The following PICALM variants were observed in gnomAD, a reference collection of about 807,000 sequenced individuals.
The protein encoded by PICALM is phosphatidylinositol-binding clathrin assembly protein.
A neutral mutation model predicts 80.5 loss-of-function variants in PICALM; 40 were observed. That is an observed-to-expected ratio of 0.50 (90% CI 0.39 to 0.65). The LOEUF is 0.65. PICALM is among the 30% of genes least tolerant of loss of function. PICALM has a pLI of 0.00. For synonymous variants in PICALM, 288 were observed against 260.3 expected, an observed-to-expected ratio of 1.11 and a Z score of -1.02; for missense variants, 676 against 778.9, an observed-to-expected ratio of 0.87 and a Z score of 1.57.
intron 17 of PICALM, among the ~76,000 whole-genome samples, chr11:85,977,701 T>G (rs1057468496): frequency 1.3e-5 from 2 of 152,334 alleles, no homozygotes; most frequent in Non-Finnish European, 1.5e-5. Flanking sequence ...GTAGACAAAC[T>G]GCCAAGAAGA....
At chr11:86,019,553 A>T (rs1311745192) in intron 4 of PICALM, among the ~76,000 whole-genome samples, 1 of 152,220 alleles carries the variant, frequency 6.6e-6, no homozygotes, top group Non-Finnish European at 1.5e-5. Context: ...TACACTGAAG[A>T]TCAACTTCAC....
intron 1 of PICALM, among the ~76,000 whole-genome samples, chr11:86,060,003 T>C (rs1296720990): frequency 2.0e-5 from 3 of 152,222 alleles, no homozygotes; most frequent in Non-Finnish European, 4.4e-5. Flanking sequence ...CAAGTCATAC[T>C]GAACACTCCT....
Position 86,022,488 on chromosome 11 carries a change from AAAAAC to A in PICALM, c.350-24_350-20del, listed in dbSNP as rs746886990. The A allele has an allele frequency of 3.8e-6, 5 of 1,316,808 alleles. No individual in the cohort carries two copies. Among genetic ancestry groups the A allele is most frequent in the East Asian group, 2.5e-5 (1 of 39,494 alleles). The allele number at this position is 1,316,808 out of a possible 1,614,324, so 81.6% of individuals were successfully genotyped here. A position where few individuals can be genotyped will look rare whatever the true frequency, so the allele number is the denominator to read the frequency against. On this transcript the variant is annotated intron_variant, in intron 3 of 19. Transcript: ENST00000393346. ...TCATATCCTGTAAAAAAACAAAAACAAAAACAAAACAAAGAGAGAGACAAGTTTTT... is the reference window on the plus strand; with the variant it reads ...TCATATCCTGTAAAAAAACAAAAACAAAAACAAAGAGAGAGACAAGTTTTT...
chr11:85,968,622 AT>A (rs1466296363), intron 19 of PICALM, among the ~76,000 whole-genome samples: 12 of 152,338 alleles, frequency 7.9e-5, no homozygotes, highest in African/African-American at 2.9e-4. Flanking sequence ...CAACTAAAGA[AT>A]TAGTTTATGA....
intron 1 of PICALM, among the ~76,000 whole-genome samples, chr11:86,033,545 T>C (rs1451430037): frequency 6.6e-6 from 1 of 152,152 alleles, no homozygotes; most frequent in Admixed American, 6.6e-5. Context: ...GTCACCATAT[T>C]AGATAAACTT....
At chr11:86,044,064 T>C (rs114748177) in intron 1 of PICALM, among the ~76,000 whole-genome samples, 244 of 152,308 alleles carry the variant, frequency 1.6e-3, no homozygotes, top group African/African-American at 5.5e-3. Flanking sequence ...ACGCCAATAG[T>C]GTCTTAGGAG....
intron 19 of PICALM, among the ~76,000 whole-genome samples, chr11:85,972,564 T>C (rs1423822898): frequency 1.3e-5 from 2 of 152,208 alleles, no homozygotes; most frequent in Non-Finnish European, 2.9e-5. Flanking sequence ...GTATCCAAGC[T>C]TAAGGTAGCA....
chr11:86,024,870 T>A (rs569910236), intron 3 of PICALM, among the ~76,000 whole-genome samples: 1 of 152,196 alleles, frequency 6.6e-6, no homozygotes, highest in Non-Finnish European at 1.5e-5. Flanking sequence ...AGCCAACTCA[T>A]CTTCTCATCC....
chr11:86,064,571 C>T (rs965333579), intron 1 of PICALM, among the ~76,000 whole-genome samples: 1 of 150,932 alleles, frequency 6.6e-6, no homozygotes. Context: ...TTGTCTGAAC[C>T]CGGGAAGTCA....
intron 16 of PICALM, 117 bp downstream of exon 16, chr11:85,981,628 A>C (rs1371898083): frequency 2.8e-6 from 2 of 713,280 alleles, no homozygotes; most frequent in Non-Finnish European, 4.8e-6. Flanking sequence ...AAAAAGATGC[A>C]GACTTGATAT....
rs1350384086 is a variant in PICALM at position 86,004,973 on chromosome 11, A to G, written c.808-1522T>C. Among the ~76,000 whole-genome samples, 7 of 152,324 alleles carry G rather than the reference A, an allele frequency of 4.6e-5. No individual in the cohort carries two copies. In the East Asian group the frequency reaches 1.2e-3, roughly 25 times the overall value. On this transcript the variant is annotated intron_variant, in intron 8 of 19. Coordinates refer to ENST00000393346, the MANE Select transcript of PICALM (RefSeq NM_007166.4). ...ACTGTCTTAAGAGCTTTCAGAGATGATAAGGAGGATGTTGATGATAGTGGT... is the reference window on the plus strand; with the variant it reads ...ACTGTCTTAAGAGCTTTCAGAGATGGTAAGGAGGATGTTGATGATAGTGGT...
At chr11:86,012,531 A>G (rs759962314) in intron 5 of PICALM, 139 bp from the exon 6 acceptor site, 33 of 541,228 alleles carry the variant, frequency 6.1e-5, no homozygotes, top group Non-Finnish European at 9.3e-5. Flanking sequence ...TCTCTAATAC[A>G]TACATAAAGA....
chr11:86,042,099 C>T (rs975178987), intron 1 of PICALM, among the ~76,000 whole-genome samples: 1 of 152,118 alleles, frequency 6.6e-6, no homozygotes, highest in Non-Finnish European at 1.5e-5. Context: ...TACAGAGGAA[C>T]AACAGGACCC....
intron 18 of PICALM, among the ~76,000 whole-genome samples, chr11:85,975,835 G>A (rs767036886): frequency 1.3e-5 from 2 of 152,050 alleles, no homozygotes; most frequent in Admixed American, 6.6e-5. Context: ...AACCTCAGGT[G>A]ATCCACCCAC....
In PICALM at chr11:85,957,349, A is replaced by T. The variant is rs1307002989; in HGVS notation, c.*1697T>A. 6.6e-6 allele frequency among the ~76,000 whole-genome samples: 1 copy of T among 152,264 alleles called. No individual in the cohort carries two copies. Among genetic ancestry groups the T allele is most frequent in the African/African-American group, 2.4e-5 (1 of 41,474 alleles). Reference sequence around the variant, plus strand: ...TGCACTACTAAATAGGCAATATGATACAATCAAAGGTTTCTTTGGCAGACA... The same window carrying T: ...TGCACTACTAAATAGGCAATATGATTCAATCAAAGGTTTCTTTGGCAGACA... On this transcript the variant is annotated 3_prime_UTR_variant, in exon 20 of 20. Coordinates refer to ENST00000393346, the MANE Select transcript of PICALM (RefSeq NM_007166.4).
Position 85,981,299 on chromosome 11 carries a change from A to C in PICALM, c.1680-71T>G, listed in dbSNP as rs2508688. ...AGTTTCCTTAGCTATATACTTATAT[A>C]GAACAGAGTAAGATAGAGACTTGAG... On this transcript the variant is annotated intron_variant, in intron 16 of 19. Coordinates refer to ENST00000393346, the MANE Select transcript of PICALM (RefSeq NM_007166.4). 0.79 allele frequency: 719,187 copies of C among 906,354 alleles called. 286,448 individuals are homozygous for C. Among genetic ancestry groups the C allele is most frequent in the African/African-American group, 0.88 (52,832 of 59,804 alleles). 56.1% of individuals were successfully genotyped at this position (906,354 alleles called of 1,614,324 possible).
rs140376031 is a variant in PICALM, at chr11:86,006,492, C to T, written c.807+1050G>A. ...GAAAACCCCGTCTCTACTAAAAATA[C>T]GAAAATTAGCTGGGCGTGGTGGCTT... On this transcript the variant is annotated intron_variant, in intron 8 of 19. Transcript: ENST00000393346. Among the ~76,000 whole-genome samples, 482 of 152,082 alleles carry T rather than the reference C, an allele frequency of 3.2e-3. 3 individuals carry two copies. Among genetic ancestry groups the T allele is most frequent in the African/African-American group, 0.011 (464 of 41,476 alleles).
rs535663050 is a variant in PICALM, at chr11:86,006,779, G to A, written c.807+763C>T. Among the ~76,000 whole-genome samples the A allele has an allele frequency of 1.4e-4, 21 of 152,254 alleles. No individual in the cohort carries two copies. The South Asian group carries it at 1.9e-3, about 14-fold the overall frequency. On this transcript the variant is annotated intron_variant, in intron 8 of 19. Transcript: ENST00000393346. ...CAGGTACTTTCATTCTTAATACTCC[G>A]TAAAGAAAACAGAGAATCAGCCAGA...
chr11:85,975,329 C>A (rs1299971527), intron 18 of PICALM, among the ~76,000 whole-genome samples: 1 of 152,088 alleles, frequency 6.6e-6, no homozygotes, highest in Admixed American at 6.6e-5. Flanking sequence ...AACTACAAAC[C>A]AGAGGTTAAC....
Sources: gnomAD v4.1 joint callset for allele counts (sites outside exome capture counted in the v4.1 genomes callset) on GRCh38, gnomAD v4.1.1 for gene constraint, MANE v1.5 for transcripts, NCBI Gene and HGNC (gene_info 2026-07-23, HGNC 2026-07-21) for gene names.